PGM2L1: variants seen among roughly 807,000 people sequenced by gnomAD.
PGM2L1 encodes the protein glucose 1,6-bisphosphate synthase.
PGM2L1 carries 35 observed loss-of-function variants against 73.4 expected under a neutral mutation model. The observed-to-expected ratio is 0.48, with a 90% CI of 0.36 to 0.63. The LOEUF (loss-of-function observed/expected upper bound fraction) is 0.63. Among genes scored for constraint, PGM2L1 ranks in the 30% least tolerant of loss-of-function variants. The probability of loss-of-function intolerance (pLI) is 0.00; values close to 1 mark genes in which losing one functional copy is unlikely to be tolerated. For missense variants in PGM2L1, 570 were observed against 742.0 expected, an observed-to-expected ratio of 0.77 and a Z score of 2.69; for synonymous variants, 225 against 253.8, an observed-to-expected ratio of 0.89 and a Z score of 1.08.
chr11:74,365,795 A>T (rs1375795564), intron 5 of PGM2L1, among the ~76,000 whole-genome samples: 1 of 152,238 alleles, frequency 6.6e-6, no homozygotes, highest in Non-Finnish European at 1.5e-5. Context: ...ATTGTGGAAG[A>T]CAGTGTGGCG....
At chr11:74,384,006 A>G (rs146127687) in intron 1 of PGM2L1, among the ~76,000 whole-genome samples, 1 of 151,946 alleles carries the variant, frequency 6.6e-6, no homozygotes, top group Non-Finnish European at 1.5e-5. Flanking sequence ...GATTAATGTC[A>G]TTCATCAGTT....
At chr11:74,347,972 C>T (rs979287555) in intron 6 of PGM2L1, among the ~76,000 whole-genome samples, 1 of 152,168 alleles carries the variant, frequency 6.6e-6, no homozygotes, top group African/African-American at 2.4e-5. Flanking sequence ...TTAGTACCTT[C>T]TCTTCTCTCC....
At chr11:74,372,835 A>G (rs1862791912) in intron 2 of PGM2L1, among the ~76,000 whole-genome samples, 1 of 152,230 alleles carries the variant, frequency 6.6e-6, no homozygotes, top group Non-Finnish European at 1.5e-5. Context: ...CTCAAGTACA[A>G]TTAATTTCCC....
chr11:74,358,055 G>A (rs1862489477), intron 5 of PGM2L1, among the ~76,000 whole-genome samples: 4 of 152,194 alleles, frequency 2.6e-5, no homozygotes, highest in Admixed American at 2.6e-4. Context: ...GAATTCCGGA[G>A]GCAGTAAAAA....
At chr11:74,339,373 G>A (rs193147838) in intron 12 of PGM2L1, among the ~76,000 whole-genome samples, 7 of 152,224 alleles carry the variant, frequency 4.6e-5, no homozygotes, top group South Asian at 2.1e-4. Context: ...CCACACATCC[G>A]TCTGTTGAGG....
rs191354746 is a variant in PGM2L1, at chr11:74,378,782, C to A, written c.112-4200G>T. On this transcript the variant is annotated intron_variant, in intron 1 of 13. Transcript: ENST00000298198. Reference sequence around the variant, plus strand: ...GAAAGAATTGATTTTTCCAAAACCACTTAAAAAAATTAACTTCTTACAAAC... The same window carrying A: ...GAAAGAATTGATTTTTCCAAAACCAATTAAAAAAATTAACTTCTTACAAAC... Among the ~76,000 whole-genome samples the A allele has an allele frequency of 6.6e-4, 101 of 152,188 alleles. 1 individual carries two copies. The highest frequency in any genetic ancestry group is 2.3e-3 in the African/African-American group (95 of 41,536).
chr11:74,330,879 C>G lies in PGM2L1; in HGVS notation c.*5773G>C, dbSNP rs1234953565. On this transcript the variant is annotated 3_prime_UTR_variant, in exon 14 of 14. Transcript: ENST00000298198. ...CACAGAGAGATATGCTTTGCTCTCT[C>G]CAAAGAAACTGAGTATTTAAGGGGA... The G allele has an allele frequency of 6.6e-6, 1 of 152,132 alleles. No individual in the cohort carries two copies. The highest frequency in any genetic ancestry group is 1.5e-5 in the Non-Finnish European group (1 of 68,008). The allele number at this position is 152,132 out of a possible 1,614,324, so 9.4% of individuals were successfully genotyped here. A position where few individuals can be genotyped will look rare whatever the true frequency, so the allele number is the denominator to read the frequency against.
chr11:74,354,327 A>C (rs2134901968), intron 5 of PGM2L1: 1 of 528,630 alleles, frequency 1.9e-6, no homozygotes, highest in African/African-American at 1.9e-5. Context: ...TCCAGGAATA[A>C]ATGTTAAAAA....
chr11:74,370,946 C>T lies in PGM2L1; in HGVS notation c.427G>A (p.Val143Ile). The T allele has an allele frequency of 1.2e-6, 2 of 1,612,798 alleles. No homozygotes were observed. Among genetic ancestry groups the T allele is most frequent in the African/African-American group, 1.3e-5 (1 of 75,006 alleles). The change falls in exon 4 of 14, where the codon GTT becomes ATT. Residue 143 changes from valine (V) to isoleucine (I), a missense_variant. Coordinates refer to ENST00000298198, the MANE Select transcript of PGM2L1 (RefSeq NM_173582.6). Reference protein sequence around the residue: ...LTAAVLLAKDVPVYLFSRYVP... With the variant: ...LTAAVLLAKDIPVYLFSRYVP... ...TATCTTGAAAAAAGGTACACAGGAACATCTTTGGCCAGCAAGACTGCAGCA... is the reference window on the plus strand; with the variant it reads ...TATCTTGAAAAAAGGTACACAGGAATATCTTTGGCCAGCAAGACTGCAGCA...
intron 1 of PGM2L1, among the ~76,000 whole-genome samples, chr11:74,378,015 T>G (rs181729042): frequency 1.3e-5 from 2 of 151,892 alleles, no homozygotes; most frequent in African/African-American, 4.8e-5. Flanking sequence ...GAAACATACA[T>G]ACCAGGCTGG....
chr11:74,362,067 A>G (rs764492213), intron 5 of PGM2L1, among the ~76,000 whole-genome samples: 3 of 152,150 alleles, frequency 2.0e-5, no homozygotes, highest in Non-Finnish European at 1.5e-5. Flanking sequence ...GATACTCCTC[A>G]AGAAGAGCAA....
chr11:74,338,141 C>G (rs1466554227), intron 13 of PGM2L1, among the ~76,000 whole-genome samples: 1 of 152,160 alleles, frequency 6.6e-6, no homozygotes, highest in African/African-American at 2.4e-5. Context: ...AACCATTATA[C>G]TAAGTAAAAG....
intron 4 of PGM2L1, among the ~76,000 whole-genome samples, chr11:74,369,113 T>A (rs1008320216): frequency 6.6e-6 from 1 of 152,142 alleles, no homozygotes; most frequent in Admixed American, 6.5e-5. Flanking sequence ...AGTCCACACA[T>A]CCCTACATTT....
intron 8 of PGM2L1, 131 bp from the exon 9 acceptor site, chr11:74,345,780 A>C: frequency 2.6e-6 from 2 of 761,894 alleles, no homozygotes; most frequent in Non-Finnish European, 4.3e-6. Context: ...TTGAGAAAAC[A>C]TTTATTACTA....
At chr11:74,369,021 C>G (rs992246459) in intron 4 of PGM2L1, among the ~76,000 whole-genome samples, 18 of 152,132 alleles carry the variant, frequency 1.2e-4, no homozygotes, top group African/African-American at 4.3e-4. Flanking sequence ...GCTCCAGTCT[C>G]CCAACAACAC....
chr11:74,374,627 G>T, intron 1 of PGM2L1, 45 bp from the exon 2 acceptor site: 2 of 1,558,474 alleles, frequency 1.3e-6, no homozygotes, highest in Non-Finnish European at 1.8e-6. Flanking sequence ...TCCAAGCAGA[G>T]TCCTAATATT....
intron 5 of PGM2L1, among the ~76,000 whole-genome samples, chr11:74,359,359 T>C (rs1268068773): frequency 1.3e-5 from 2 of 151,956 alleles, no homozygotes; most frequent in African/African-American, 2.4e-5. Context: ...CTCACTGCAC[T>C]CTCTGACAGA....
chr11:74,383,736 T>C (rs1862980453), intron 1 of PGM2L1, among the ~76,000 whole-genome samples: 1 of 151,120 alleles, frequency 6.6e-6, no homozygotes, highest in Admixed American at 6.6e-5. Context: ...CTGAGGATAA[T>C]GGCTTCCAGC....
chr11:74,384,050 CCTT>C (rs1817770126), intron 1 of PGM2L1, among the ~76,000 whole-genome samples: 1 of 151,746 alleles, frequency 6.6e-6, no homozygotes, highest in South Asian at 2.1e-4. Flanking sequence ...TCTTTCCTCT[CCTT>C]AAGAGATTCC....
Sources: gnomAD v4.1 joint callset for allele counts (sites outside exome capture counted in the v4.1 genomes callset) on GRCh38, gnomAD v4.1.1 for gene constraint, MANE v1.5 for transcripts, NCBI Gene and HGNC (gene_info 2026-07-23, HGNC 2026-07-21) for gene names.